SEMA6A: variants seen among roughly 807,000 people sequenced by gnomAD.
SEMA6A encodes the protein semaphorin 6A.
Under a neutral mutation model 96.8 loss-of-function variants are expected in SEMA6A, and 25 were observed. The observed-to-expected ratio is 0.26, with a 90% confidence interval of 0.19 to 0.36. The LOEUF (loss-of-function observed/expected upper bound fraction) is 0.36, where lower values mean the gene tolerates loss of function less well. Ranked by LOEUF, SEMA6A falls within the 10% of genes least tolerant of loss-of-function variation. SEMA6A has a pLI of 1.00. For synonymous variants in SEMA6A, 612 were observed against 518.0 expected (o/e 1.18, Z -2.46); for missense variants, 1,363 against 1,323.1 (o/e 1.03, Z -0.47).
At chr5:116,461,035 T>G (rs171789) in intron 18 of SEMA6A, among the ~76,000 whole-genome samples, 94,389 of 151,898 alleles carry the variant, frequency 0.62, 29,866 homozygotes, top group Non-Finnish European at 0.69. Flanking sequence ...TCTTTATGGG[T>G]CGTGTATAGC....
intron 1 of SEMA6A, among the ~76,000 whole-genome samples, chr5:116,553,059 C>A (rs144465683): frequency 6.6e-6 from 1 of 152,110 alleles, no homozygotes; most frequent in Admixed American, 6.6e-5. Flanking sequence ...AAGCAAACCG[C>A]TTAGAAAACT....
chr5:116,535,771 T>C (rs1280362218), intron 1 of SEMA6A, among the ~76,000 whole-genome samples: 2 of 152,220 alleles, frequency 1.3e-5, no homozygotes, highest in African/African-American at 2.4e-5. Context: ...CTCCTATAAA[T>C]GATTTTGTAA....
chr5:116,508,378 G>C (rs1758245675), intron 1 of SEMA6A: 1 of 152,214 alleles, frequency 6.6e-6, no homozygotes, highest in Non-Finnish European at 1.5e-5. Flanking sequence ...AGCTGGAAAT[G>C]ATTACAAAGT....
chr5:116,528,301 A>G (rs544807122), intron 1 of SEMA6A, among the ~76,000 whole-genome samples: 13 of 152,214 alleles, frequency 8.5e-5, no homozygotes, highest in Non-Finnish European at 1.3e-4. Flanking sequence ...TACAAATATA[A>G]TGTGGATTTC....
intron 15 of SEMA6A, among the ~76,000 whole-genome samples, chr5:116,477,256 C>G (rs1314586938): frequency 1.3e-5 from 2 of 152,192 alleles, no homozygotes; most frequent in East Asian, 3.9e-4. Context: ...ATTTTAAACA[C>G]CAAAATCATA....
chr5:116,563,026 T>C, intron 1 of SEMA6A: 2 of 485,484 alleles, frequency 4.1e-6, no homozygotes, highest in Non-Finnish European at 7.9e-6. Context: ...AAGACAAGAC[T>C]CCTCAAAATA....
Position 116,574,801 on chromosome 5 carries a change from C to G in SEMA6A, c.-655G>C, listed in dbSNP as rs576782395. On this transcript the variant is annotated 5_prime_UTR_variant, in exon 1 of 19. Transcript: ENST00000343348. ...GGAGCGGAGTTGGCTGCAGCCTCAC[C>G]CCGTGCCGCTCACTACTCCTCTGTC... 4.4e-4 allele frequency: 67 copies of G among 152,416 alleles called. No homozygotes were observed. The highest frequency in any genetic ancestry group is 1.5e-3 in the African/African-American group (64 of 41,474). 9.4% of individuals were successfully genotyped at this position (152,416 alleles called of 1,614,324 possible).
intron 1 of SEMA6A, among the ~76,000 whole-genome samples, chr5:116,566,147 C>T (rs539620560): frequency 6.6e-6 from 1 of 152,224 alleles, no homozygotes; most frequent in Non-Finnish European, 1.5e-5. Context: ...TATTTAATGC[C>T]AGATCCTGTT....
chr5:116,528,027 A>G (rs553166940), intron 1 of SEMA6A, among the ~76,000 whole-genome samples: 1 of 152,274 alleles, frequency 6.6e-6, no homozygotes, highest in East Asian at 1.9e-4. Context: ...TGCAGATACA[A>G]TTTCCTGTAG....
chr5:116,568,171 G>C (rs1276271094), intron 1 of SEMA6A, among the ~76,000 whole-genome samples: 1 of 152,226 alleles, frequency 6.6e-6, no homozygotes, highest in Non-Finnish European at 1.5e-5. Flanking sequence ...GAGTGGGAAA[G>C]AGGGGGTTAA....
intron 18 of SEMA6A, chr5:116,449,588 T>C: frequency 2.0e-6 from 1 of 494,772 alleles, no homozygotes; most frequent in South Asian, 2.9e-5. Flanking sequence ...CCAGAAACCT[T>C]AGCCTGAAAA....
intron 1 of SEMA6A, among the ~76,000 whole-genome samples, chr5:116,533,795 G>A (rs903193848): frequency 6.6e-6 from 1 of 152,124 alleles, no homozygotes; most frequent in African/African-American, 2.4e-5. Flanking sequence ...GGGGCCAGCA[G>A]CCCTCACCTT....
At chr5:116,526,218 C>A (rs886431637) in intron 1 of SEMA6A, among the ~76,000 whole-genome samples, 3 of 151,964 alleles carry the variant, frequency 2.0e-5, no homozygotes, top group Admixed American at 6.6e-5. Context: ...ATTAACAGCC[C>A]CTCCCCACTC....
intron 1 of SEMA6A, among the ~76,000 whole-genome samples, chr5:116,548,877 A>T (rs553478662): frequency 6.6e-6 from 1 of 152,242 alleles, no homozygotes; most frequent in Non-Finnish European, 1.5e-5. Flanking sequence ...ATAATAGGAC[A>T]GGCCTGGCCT....
At chr5:116,553,820 T>C (rs1760507234) in intron 1 of SEMA6A, among the ~76,000 whole-genome samples, 1 of 152,122 alleles carries the variant, frequency 6.6e-6, no homozygotes, top group South Asian at 2.1e-4. Flanking sequence ...CCAGGATGAA[T>C]AGTACCATGA....
At chr5:116,516,940 G>A (rs1035632433) in intron 1 of SEMA6A, among the ~76,000 whole-genome samples, 3 of 152,120 alleles carry the variant, frequency 2.0e-5, no homozygotes, top group Non-Finnish European at 4.4e-5. Context: ...GGTGTTCATT[G>A]TTTTTGAAGT....
intron 1 of SEMA6A, among the ~76,000 whole-genome samples, chr5:116,528,092 A>G (rs1250962243): frequency 1.3e-5 from 2 of 152,240 alleles, no homozygotes; most frequent in African/African-American, 2.4e-5. Flanking sequence ...CTCCAGGAAC[A>G]GTAGAGTTTA....
chr5:116,537,227 G>C (rs1012176406), intron 1 of SEMA6A, among the ~76,000 whole-genome samples: 57 of 152,182 alleles, frequency 3.7e-4, no homozygotes, highest in African/African-American at 1.3e-3. Context: ...GGCAGTAAAA[G>C]AAAATACAAT....
intron 1 of SEMA6A, among the ~76,000 whole-genome samples, chr5:116,512,730 A>G (rs1758472326): frequency 6.7e-6 from 1 of 149,922 alleles, no homozygotes; most frequent in Non-Finnish European, 1.5e-5. Flanking sequence ...GAGCCAATGC[A>G]GTTTACTTGG....
Sources: gnomAD v4.1 joint callset for allele counts (sites outside exome capture counted in the v4.1 genomes callset) on GRCh38, gnomAD v4.1.1 for gene constraint, MANE v1.5 for transcripts, NCBI Gene and HGNC (gene_info 2026-07-23, HGNC 2026-07-21) for gene names.